Variants in DRAM1 observed in about 807,000 individuals in gnomAD.
DRAM1 encodes the protein DNA damage regulated autophagy modulator 1.
A neutral mutation model predicts 28.5 loss-of-function variants in DRAM1; 25 were observed. The ratio of observed to expected loss-of-function variants is 0.88; its 90% CI spans 0.64 to 1.23. The LOEUF is 1.23. DRAM1 is among the 50% of genes most tolerant of loss of function. DRAM1 has a pLI of 0.00. For synonymous variants in DRAM1, 113 were observed against 114.2 expected (o/e 0.99, Z 0.07); for missense variants, 249 against 299.2 (o/e 0.83, Z 1.24).
chr12:101,919,761 A>C (rs1874403379), intron 5 of DRAM1, among the ~76,000 whole-genome samples: 1 of 152,258 alleles, frequency 6.6e-6, no homozygotes, highest in South Asian at 2.1e-4. Flanking sequence ...GCAGAGCGAG[A>C]CCAAGTCATG....
At chr12:101,881,867 T>C (rs920927815) in intron 1 of DRAM1, among the ~76,000 whole-genome samples, 1 of 152,186 alleles carries the variant, frequency 6.6e-6, no homozygotes, top group Non-Finnish European at 1.5e-5. Context: ...TTATTTATTA[T>C]GTTTATTTTC....
At chr12:101,891,996 AAAAT>A in intron 1 of DRAM1, among the ~76,000 whole-genome samples, 1 of 152,318 alleles carries the variant, frequency 6.6e-6, no homozygotes, top group Admixed American at 6.5e-5. Context: ...GAGCTTAAAA[AAAAT>A]AAATAAATAA....
chr12:101,917,049 T>C (rs916580470), intron 5 of DRAM1, among the ~76,000 whole-genome samples: 11 of 152,240 alleles, frequency 7.2e-5, no homozygotes, highest in Admixed American at 7.2e-4. Flanking sequence ...TGGCTAACTA[T>C]GGCATATGCA....
chr12:101,901,549 TTTACAA>T, intron 3 of DRAM1, 116 bp downstream of exon 3: 2 of 1,279,420 alleles, frequency 1.6e-6, no homozygotes, highest in Non-Finnish European at 1.1e-6. Context: ...GCTTGATGAG[TTTACAA>T]TAAGTGGGTT....
At chr12:101,892,167 A>G (rs1007172242) in intron 1 of DRAM1, among the ~76,000 whole-genome samples, 1 of 152,178 alleles carries the variant, frequency 6.6e-6, no homozygotes, top group Non-Finnish European at 1.5e-5. Flanking sequence ...CTTAATATAT[A>G]AAATCAGACG....
At chr12:101,908,114 G>A (rs10219618) in intron 3 of DRAM1, 72 bp from the exon 4 acceptor site, 406,266 of 1,345,976 alleles carry the variant, frequency 0.3, 63,680 homozygotes, top group East Asian at 0.37. Context: ...AAGCAGCCCA[G>A]AGTGAGAGTG....
chr12:101,895,591 G>A (rs1343705385), intron 1 of DRAM1, among the ~76,000 whole-genome samples: 2 of 33,416 alleles, frequency 6.0e-5, no homozygotes, highest in Non-Finnish European at 4.9e-5. Context: ...TTTTTTTTGA[G>A]AAGGAGTCTC....
intron 1 of DRAM1, among the ~76,000 whole-genome samples, chr12:101,893,443 A>G (rs1873214953): frequency 6.6e-6 from 1 of 152,204 alleles, no homozygotes; most frequent in African/African-American, 2.4e-5. Context: ...TGGCTGTTAA[A>G]CACTGACCAG....
intron 1 of DRAM1, among the ~76,000 whole-genome samples, chr12:101,891,210 T>G (rs1388070530): frequency 6.6e-6 from 1 of 152,220 alleles, no homozygotes; most frequent in East Asian, 1.9e-4. Flanking sequence ...AATGATGTTC[T>G]CTTTATACTG....
At chr12:101,906,838 G>A (rs938908556) in intron 3 of DRAM1, among the ~76,000 whole-genome samples, 2 of 133,162 alleles carry the variant, frequency 1.5e-5, no homozygotes, top group Non-Finnish European at 3.1e-5. Flanking sequence ...CTGGGTGACA[G>A]AGCAAGACTC....
At chr12:101,914,666 G>A (rs1008582784) in intron 5 of DRAM1, among the ~76,000 whole-genome samples, 3 of 151,544 alleles carry the variant, frequency 2.0e-5, no homozygotes, top group African/African-American at 7.3e-5. Flanking sequence ...ATTTTGTTTT[G>A]TTCTTTTCTG....
intron 3 of DRAM1, among the ~76,000 whole-genome samples, chr12:101,905,736 C>A (rs111307163): frequency 7.9e-5 from 12 of 151,872 alleles, no homozygotes; most frequent in African/African-American, 2.7e-4. Flanking sequence ...ACTACAGGCA[C>A]ACACCATCAT....
At chr12:101,904,608 A>G (rs1465743990) in intron 3 of DRAM1, among the ~76,000 whole-genome samples, 2 of 150,958 alleles carry the variant, frequency 1.3e-5, no homozygotes, top group Non-Finnish European at 3.0e-5. Context: ...CGCCCGGCTA[A>G]TTTTTTGTAT....
intron 1 of DRAM1, among the ~76,000 whole-genome samples, chr12:101,890,881 G>A (rs12322802): frequency 0.021 from 3,154 of 151,882 alleles, 44 homozygotes; most frequent in African/African-American, 0.031. Flanking sequence ...CTTCCGAGTA[G>A]CTGGGACTAC....
intron 1 of DRAM1, among the ~76,000 whole-genome samples, chr12:101,883,222 G>A (rs1872749468): frequency 6.6e-6 from 1 of 151,126 alleles, no homozygotes; most frequent in Non-Finnish European, 1.5e-5. Flanking sequence ...GTGATGGAGG[G>A]AGGAGTAGGT....
chr12:101,913,984 A>G (rs1874140738), intron 4 of DRAM1, among the ~76,000 whole-genome samples, 190 bp from the exon 5 acceptor site: 1 of 152,152 alleles, frequency 6.6e-6, no homozygotes, highest in Non-Finnish European at 1.5e-5. Flanking sequence ...TTGAAGTTTG[A>G]GTTTATAAGA....
In DRAM1 at chr12:101,898,347, A is replaced by G. The variant is rs1372962128; in HGVS notation, c.199+417A>G. ...TTGTGTATAATTTTTTTAAAAGCAC[A>G]ATCTTTGCAGCTAGATTTTTGTCCT... On this transcript the variant is annotated intron_variant, in intron 2 of 6. Transcript: ENST00000258534. Among the ~76,000 whole-genome samples the G allele has an allele frequency of 5.3e-5, 8 of 152,184 alleles. No individual in the cohort carries two copies. In the East Asian group the frequency reaches 1.5e-3, roughly 29 times the overall value.
chr12:101,902,499 A>G (rs1873644034), intron 3 of DRAM1, among the ~76,000 whole-genome samples: 1 of 152,220 alleles, frequency 6.6e-6, no homozygotes, highest in Admixed American at 6.5e-5. Context: ...CACAAAATTT[A>G]AAAAGGAAGA....
At chr12:101,890,934 A>G (rs925678269) in intron 1 of DRAM1, among the ~76,000 whole-genome samples, 11 of 151,986 alleles carry the variant, frequency 7.2e-5, no homozygotes, top group African/African-American at 1.7e-4. Flanking sequence ...TACTTTTAAT[A>G]GAGACGGGGT....
Sources: allele counts gnomAD v4.1 joint callset (sites outside exome capture counted in the v4.1 genomes callset), GRCh38; gene constraint gnomAD v4.1.1; transcripts MANE v1.5; gene names NCBI Gene and HGNC (gene_info 2026-07-23, HGNC 2026-07-21).